The following C4BPA variants were observed in gnomAD, a reference collection of about 807,000 sequenced individuals.
C4BPA encodes C4b-binding protein alpha chain.
Under a neutral mutation model 63.7 loss-of-function variants are expected in C4BPA, and 31 were observed. That is an observed-to-expected ratio of 0.49 (90% CI 0.37 to 0.66). C4BPA has a LOEUF of 0.66. Among genes scored for constraint, C4BPA ranks in the 30% least tolerant of loss-of-function variants. The pLI is 0.00. For synonymous variants in C4BPA, 259 were observed against 254.7 expected, an observed-to-expected ratio of 1.02 and a Z score of -0.16; for missense variants, 572 against 723.3, an observed-to-expected ratio of 0.79 and a Z score of 2.40.
chr1:207,105,557 CAA>C (rs544639312), intron 1 of C4BPA, among the ~76,000 whole-genome samples: 13 of 65,672 alleles, frequency 2.0e-4, no homozygotes, highest in Non-Finnish European at 2.3e-4. Context: ...AACTCCACCT[CAA>C]AAAAAAAAAA....
intron 5 of C4BPA, 43 bp downstream of exon 5, chr1:207,124,050 G>A: frequency 6.6e-7 from 1 of 1,520,650 alleles, no homozygotes; most frequent in Non-Finnish European, 9.1e-7. Flanking sequence ...TTTAAACTCT[G>A]TTAGGTAATA....
Position 207,106,703 on chromosome 1 carries a change from A to C in C4BPA, c.-26+2273A>C, listed in dbSNP as rs569057881. Among the ~76,000 whole-genome samples the C allele has an allele frequency of 6.2e-4, 94 of 152,270 alleles. 1 individual carries two copies. The highest frequency in any genetic ancestry group is 3.4e-3 in the Middle Eastern group (1 of 294). On this transcript the variant is annotated intron_variant, in intron 1 of 11. Transcript: ENST00000367070. ...TGATCTGCCTGCCTTGGCCTCCCAA[A>C]GTGCTGGGATTACAGGCGTGAGCCA...
chr1:207,109,871 A>G (rs969018410), intron 1 of C4BPA, among the ~76,000 whole-genome samples: 1 of 152,240 alleles, frequency 6.6e-6, no homozygotes, highest in Admixed American at 6.5e-5. Flanking sequence ...ATTAAAATAC[A>G]GGTGTTTGCC....
chr1:207,108,801 T>G (rs1484573176), intron 1 of C4BPA, among the ~76,000 whole-genome samples: 1 of 151,918 alleles, frequency 6.6e-6, no homozygotes, highest in Non-Finnish European at 1.5e-5. Flanking sequence ...CGGATCACTG[T>G]AACCTTTGCC....
intron 6 of C4BPA, among the ~76,000 whole-genome samples, chr1:207,126,432 C>T (rs1393839349): frequency 1.3e-5 from 2 of 148,680 alleles, no homozygotes; most frequent in African/African-American, 4.9e-5. Context: ...GTTTCCATTA[C>T]ATTGGTCTTT....
intron 4 of C4BPA, among the ~76,000 whole-genome samples, chr1:207,117,692 G>A (rs559663311): frequency 2.0e-5 from 3 of 152,226 alleles, no homozygotes; most frequent in Middle Eastern, 3.4e-3. Flanking sequence ...AGTGGTCTTT[G>A]TACAAAGTTT....
chr1:207,114,387 G>A (rs1684736492), intron 3 of C4BPA, 102 bp downstream of exon 3: 1 of 822,574 alleles, frequency 1.2e-6, no homozygotes, highest in Non-Finnish European at 1.8e-6. Context: ...AAGACAGTTT[G>A]TCAATTACTG....
At chr1:207,133,474 A>G (rs1156546676) in intron 8 of C4BPA, among the ~76,000 whole-genome samples, 2 of 152,240 alleles carry the variant, frequency 1.3e-5, no homozygotes, top group African/African-American at 4.8e-5. Flanking sequence ...TAAAAAATTA[A>G]AGAATTTGGC....
At chr1:207,129,593 C>T (rs1434594961) in intron 7 of C4BPA, among the ~76,000 whole-genome samples, 1 of 152,082 alleles carries the variant, frequency 6.6e-6, no homozygotes, top group Non-Finnish European at 1.5e-5. Flanking sequence ...AGCAACGCAT[C>T]ATGTACAATG....
chr1:207,109,078 A>C (rs1684615425), intron 1 of C4BPA, among the ~76,000 whole-genome samples: 1 of 152,080 alleles, frequency 6.6e-6, no homozygotes, highest in Non-Finnish European at 1.5e-5. Flanking sequence ...TCCTTTCAGG[A>C]AGATAGTTGA....
intron 6 of C4BPA, 82 bp downstream of exon 6, chr1:207,124,448 G>A (rs1684992978): frequency 4.6e-6 from 5 of 1,075,494 alleles, no homozygotes; most frequent in Middle Eastern, 2.1e-4. Flanking sequence ...TTATTGGGGG[G>A]CAAATGGAAA....
In C4BPA at chr1:207,118,215, CT is replaced by C. The variant is rs1441641206; in HGVS notation, c.428+2701del. 1.9e-3 allele frequency among the ~76,000 whole-genome samples: 277 copies of C among 144,776 alleles called. 1 individual carries two copies. Among genetic ancestry groups the C allele is most frequent in the Non-Finnish European group, 2.8e-3 (191 of 67,490 alleles). The allele number at this position is 144,776 out of a possible 152,430, so 95.0% of individuals were successfully genotyped here. A position where few individuals can be genotyped will look rare whatever the true frequency, so the allele number is the denominator to read the frequency against. On this transcript the variant is annotated intron_variant, in intron 4 of 11. Transcript: ENST00000367070. ...TATCATCTATCTATCTATCATCTGT[CT>C]ATCTATCTATCTATCTATCTATCTA... is the stretch of plus-strand genomic sequence containing the variant.
chr1:207,134,625 G>A (rs772725000), intron 9 of C4BPA, 33 bp downstream of exon 9: 4 of 1,477,272 alleles, frequency 2.7e-6, no homozygotes, highest in Non-Finnish European at 3.7e-6. Context: ...TATTCTGGGA[G>A]TTTCTTCATA....
chr1:207,116,558 G>A (rs1219819784), intron 4 of C4BPA, among the ~76,000 whole-genome samples: 6 of 137,814 alleles, frequency 4.4e-5, no homozygotes, highest in Non-Finnish European at 7.8e-5. Context: ...GTGTGTGTGT[G>A]TATAATGTTT....
At chr1:207,108,927 TAGTC>T (rs1346069605) in intron 1 of C4BPA, among the ~76,000 whole-genome samples, 1 of 152,106 alleles carries the variant, frequency 6.6e-6, no homozygotes, top group Non-Finnish European at 1.5e-5. Flanking sequence ...TTCACCATGT[TAGTC>T]AGGCCGGTCT....
rs544763652 is a variant in C4BPA at position 207,144,552 on chromosome 1, C to T, written c.1629C>T (p.Pro543=). 161 of 1,608,898 alleles carry T rather than the reference C, an allele frequency of 1.0e-4. 1 individual carries two copies. The South Asian group carries it at 1.3e-3, about 13-fold the overall frequency. ...CCACTTATATCTTTTAGGAGACCCC[C>T]GAAGGCTGTGAACAAGTGCTCACAG... is the stretch of plus-strand genomic sequence containing the variant. ...PEVPKCEWET[P]EGCEQVLTGK... The change falls in exon 12 of 12, where the codon CCC becomes CCT. Residue 543 remains proline (P), a synonymous_variant. Transcript: ENST00000367070.
chr1:207,141,899 C>T (rs1242420822), intron 10 of C4BPA, among the ~76,000 whole-genome samples: 1 of 151,990 alleles, frequency 6.6e-6, no homozygotes, highest in Non-Finnish European at 1.5e-5. Flanking sequence ...CTTTTGTACA[C>T]AGGAGAATAA....
chr1:207,108,036 T>G (rs1684593995), intron 1 of C4BPA, among the ~76,000 whole-genome samples: 1 of 152,212 alleles, frequency 6.6e-6, no homozygotes, highest in Admixed American at 6.5e-5. Context: ...ATAGTGAATT[T>G]AGTTTGAAAC....
chr1:207,138,054 G>T (rs146251848), intron 9 of C4BPA, among the ~76,000 whole-genome samples: 1 of 152,344 alleles, frequency 6.6e-6, no homozygotes, highest in African/African-American at 2.4e-5. Flanking sequence ...TGGCCGAGAG[G>T]AAGGGTCCAT....
Sources: allele counts gnomAD v4.1 joint callset (sites outside exome capture counted in the v4.1 genomes callset), GRCh38; gene constraint gnomAD v4.1.1; transcripts MANE v1.5; gene names NCBI Gene and HGNC (gene_info 2026-07-23, HGNC 2026-07-21).